Variants in BTBD10 observed in about 807,000 individuals in gnomAD.
BTBD10 encodes BTB domain containing 10.
A neutral mutation model predicts 53.2 loss-of-function variants in BTBD10; 21 were observed. That is an observed-to-expected ratio of 0.39 (90% CI 0.28 to 0.57). The LOEUF is 0.57. Among genes scored for constraint, BTBD10 ranks in the 20% least tolerant of loss-of-function variants. The pLI, the probability that BTBD10 is intolerant of heterozygous loss-of-function variation, is 0.53. For synonymous variants in BTBD10, 149 were observed against 192.7 expected (o/e 0.77, Z 1.88); for missense variants, 360 against 594.7 (o/e 0.61, Z 4.10).
At chr11:13,432,433 T>C (rs1950466192) in intron 2 of BTBD10, among the ~76,000 whole-genome samples, 2 of 152,294 alleles carry the variant, frequency 1.3e-5, no homozygotes, top group South Asian at 4.1e-4. Context: ...TTCCTGGTTC[T>C]CATAATGTAC....
At chr11:13,460,366 A>AC (rs912508459) in intron 1 of BTBD10, among the ~76,000 whole-genome samples, 2 of 151,870 alleles carry the variant, frequency 1.3e-5, no homozygotes, top group African/African-American at 4.8e-5. Context: ...CCAAGTGAAG[A>AC]CCCCCAACTT....
chr11:13,458,885 T>C (rs1018501605), intron 1 of BTBD10, among the ~76,000 whole-genome samples: 22 of 152,136 alleles, frequency 1.4e-4, no homozygotes, highest in African/African-American at 5.1e-4. Context: ...GCCTGCATTG[T>C]ATAAAATAAA....
intron 6 of BTBD10, among the ~76,000 whole-genome samples, chr11:13,409,940 G>T (rs1400452344): frequency 1.3e-5 from 2 of 152,128 alleles, no homozygotes; most frequent in African/African-American, 2.4e-5. Context: ...AACTAGAAAT[G>T]AATAGTTGAT....
chr11:13,388,474 T>G lies in BTBD10; in HGVS notation c.*357A>C, dbSNP rs1233605261. On this transcript the variant is annotated 3_prime_UTR_variant, in exon 9 of 9. Transcript: ENST00000278174. Reference sequence around the variant, plus strand: ...GTGCAACTATATATTACTCTGCATTTTATCTGAGGTGTGATGAATATCAGT... The same window carrying G: ...GTGCAACTATATATTACTCTGCATTGTATCTGAGGTGTGATGAATATCAGT... 1 of 193,822 alleles carries G rather than the reference T, an allele frequency of 5.2e-6. No homozygotes were observed. The highest frequency in any genetic ancestry group is 1.1e-5 in the Non-Finnish European group (1 of 92,302). The allele number at this position is 193,822 out of a possible 1,614,324, so 12.0% of individuals were successfully genotyped here.
intron 6 of BTBD10, among the ~76,000 whole-genome samples, chr11:13,407,366 G>A (rs1364098871): frequency 6.6e-6 from 1 of 152,130 alleles, no homozygotes; most frequent in Admixed American, 6.5e-5. Flanking sequence ...CCACTTGGAT[G>A]TAACTTCAGA....
At chr11:13,447,417 G>A (rs1006361633) in intron 1 of BTBD10, among the ~76,000 whole-genome samples, 1 of 152,206 alleles carries the variant, frequency 6.6e-6, no homozygotes, top group African/African-American at 2.4e-5. Context: ...TATCTTTGAA[G>A]AGCATTTTAT....
chr11:13,430,825 T>C (rs753366027), intron 2 of BTBD10, among the ~76,000 whole-genome samples: 24 of 152,084 alleles, frequency 1.6e-4, no homozygotes, highest in Admixed American at 7.2e-4. Context: ...CATAGAGTAC[T>C]GTATAGAGCG....
At chr11:13,395,544 T>C (rs1052098114) in intron 8 of BTBD10, among the ~76,000 whole-genome samples, 4 of 152,246 alleles carry the variant, frequency 2.6e-5, no homozygotes, top group African/African-American at 4.8e-5. Flanking sequence ...TTTAGTTTAA[T>C]TGATCCAATT....
intron 8 of BTBD10, among the ~76,000 whole-genome samples, chr11:13,396,772 G>C (rs1026137940): frequency 4.6e-5 from 7 of 152,126 alleles, no homozygotes; most frequent in Non-Finnish European, 8.8e-5. Flanking sequence ...TTTTATCAAA[G>C]GCCTTTTCTG....
At chr11:13,394,963 T>C (rs1949502877) in intron 8 of BTBD10, among the ~76,000 whole-genome samples, 1 of 151,516 alleles carries the variant, frequency 6.6e-6, no homozygotes, top group African/African-American at 2.4e-5. Context: ...TTGGGTTGGT[T>C]CCAAGTCTGT....
intron 7 of BTBD10, 67 bp downstream of exon 7, chr11:13,405,592 C>T: frequency 6.4e-7 from 1 of 1,574,100 alleles, no homozygotes; most frequent in Non-Finnish European, 8.7e-7. Context: ...GAGAAGAGCT[C>T]TTCTTTACAT....
At chr11:13,407,669 C>T (rs1438977748) in intron 6 of BTBD10, among the ~76,000 whole-genome samples, 3 of 152,280 alleles carry the variant, frequency 2.0e-5, no homozygotes, top group Admixed American at 1.3e-4. Flanking sequence ...AAGCCACATA[C>T]TTTTCTGCAA....
intron 8 of BTBD10, among the ~76,000 whole-genome samples, chr11:13,392,410 T>A (rs1165629678): frequency 2.0e-5 from 3 of 152,078 alleles, no homozygotes; most frequent in African/African-American, 7.2e-5. Context: ...TAGGAGACCC[T>A]AACACATGTA....
At chr11:13,419,360 T>A in intron 4 of BTBD10, 100 bp downstream of exon 4, 5 of 1,438,116 alleles carry the variant, frequency 3.5e-6, no homozygotes, top group Non-Finnish European at 4.7e-6. Context: ...AACAGAAATG[T>A]TACATTTCAA....
chr11:13,393,833 G>C (rs1011086914), intron 8 of BTBD10, among the ~76,000 whole-genome samples: 2 of 151,984 alleles, frequency 1.3e-5, no homozygotes, highest in Admixed American at 6.6e-5. Context: ...AAATCACACA[G>C]ACTTGGATTC....
intron 1 of BTBD10, among the ~76,000 whole-genome samples, chr11:13,453,427 A>T (rs1319257113): frequency 6.6e-6 from 1 of 152,204 alleles, no homozygotes; most frequent in Non-Finnish European, 1.5e-5. Context: ...AAGGAGACTT[A>T]CTTTTTGTTG....
At chr11:13,401,212 G>T (rs578013852) in intron 8 of BTBD10, among the ~76,000 whole-genome samples, 1 of 151,536 alleles carries the variant, frequency 6.6e-6, no homozygotes, top group Non-Finnish European at 1.5e-5. Flanking sequence ...ATAGTAACTA[G>T]TACTTGTTAT....
At chr11:13,430,834 C>T (rs1005205946) in intron 2 of BTBD10, among the ~76,000 whole-genome samples, 11 of 151,794 alleles carry the variant, frequency 7.2e-5, no homozygotes, top group South Asian at 2.1e-4. Flanking sequence ...CTGTATAGAG[C>T]GACAGAAAAC....
At chr11:13,444,735 T>C (rs1006545085) in intron 2 of BTBD10, among the ~76,000 whole-genome samples, 3 of 152,180 alleles carry the variant, frequency 2.0e-5, no homozygotes, top group African/African-American at 7.2e-5. Context: ...AGAACTAACC[T>C]GTCATGTGAG....
Sources: allele counts gnomAD v4.1 joint callset (sites outside exome capture counted in the v4.1 genomes callset), GRCh38; gene constraint gnomAD v4.1.1; transcripts MANE v1.5; gene names NCBI Gene and HGNC (gene_info 2026-07-23, HGNC 2026-07-21).